ABCB1: variants seen among roughly 807,000 people sequenced by gnomAD.
ABCB1 encodes the protein ATP binding cassette subfamily B member 1.
Under a neutral mutation model 142.0 loss-of-function variants are expected in ABCB1, and 69 were observed. The ratio of observed to expected loss-of-function variants is 0.49; its 90% CI spans 0.40 to 0.59. The LOEUF is 0.59. ABCB1 is among the 20% of genes least tolerant of loss of function. The pLI, the probability that ABCB1 is intolerant of heterozygous loss-of-function variation, is 0.00. For synonymous variants in ABCB1, 532 were observed against 539.2 expected (o/e 0.99, Z 0.18); for missense variants, 1,326 against 1,554.7 (o/e 0.85, Z 2.47).
intron 5 of ABCB1, 27 bp from the exon 6 acceptor site, chr7:87,567,003 T>C: frequency 6.2e-7 from 1 of 1,604,146 alleles, no homozygotes; most frequent in Non-Finnish European, 8.5e-7. Flanking sequence ...ACACTGCACA[T>C]GCTCTCTGTT....
At chr7:87,570,902 G>A (rs1818021000) in intron 4 of ABCB1, among the ~76,000 whole-genome samples, 1 of 151,990 alleles carries the variant, frequency 6.6e-6, no homozygotes, top group African/African-American at 2.4e-5. Flanking sequence ...TGGAGTCATA[G>A]TTTACATTTA....
intron 5 of ABCB1, among the ~76,000 whole-genome samples, 187 bp from the exon 6 acceptor site, chr7:87,567,163 T>A (rs1332156723): frequency 2.6e-5 from 4 of 152,260 alleles, no homozygotes; most frequent in Admixed American, 2.6e-4. Context: ...TATGGTGGAA[T>A]GGTTAAGAAT....
chr7:87,510,475 C>T (rs528952572), intron 25 of ABCB1, among the ~76,000 whole-genome samples: 1 of 152,240 alleles, frequency 6.6e-6, no homozygotes, highest in Non-Finnish European at 1.5e-5. Flanking sequence ...ACAAGCCCTA[C>T]TCTGATGCAA....
At chr7:87,659,946 T>C (rs1037983669) in intron 1 of ABCB1, among the ~76,000 whole-genome samples, 5 of 152,172 alleles carry the variant, frequency 3.3e-5, no homozygotes, top group Non-Finnish European at 4.4e-5. Flanking sequence ...CTAAATATTC[T>C]TAGGATAAAT....
intron 1 of ABCB1, among the ~76,000 whole-genome samples, chr7:87,647,128 A>T (rs1236035379): frequency 6.6e-6 from 1 of 152,182 alleles, no homozygotes; most frequent in East Asian, 1.9e-4. Flanking sequence ...TGTAATTTGT[A>T]TCATTCTCGT....
chr7:87,524,003 C>T (rs955206357), intron 21 of ABCB1, among the ~76,000 whole-genome samples: 4 of 152,108 alleles, frequency 2.6e-5, no homozygotes, highest in Non-Finnish European at 5.9e-5. Context: ...AATAAAGACA[C>T]ATTTAATTTA....
At position 87,689,733 on chromosome 7, in the gene ABCB1, C is replaced by G. The variant is rs1005361436; in HGVS notation, c.-331+23428G>C. Among the ~76,000 whole-genome samples, 4 of 152,112 alleles carry G rather than the reference C, an allele frequency of 2.6e-5. No individual in the cohort carries two copies. The South Asian group carries it at 8.3e-4, about 32-fold the overall frequency. On this transcript the variant is annotated intron_variant, in intron 1 of 28. Transcript: ENST00000265724. ...CTACATCTTTCTGATGTTCTAATTT[C>G]AATGAGTTGTCCTTTTCAAAATCAT...
intron 4 of ABCB1, among the ~76,000 whole-genome samples, chr7:87,575,925 CA>C (rs1269024521): frequency 6.6e-6 from 1 of 152,100 alleles, no homozygotes; most frequent in African/African-American, 2.4e-5. Flanking sequence ...GAAAAGATAC[CA>C]GACTAAAAAG....
rs35797972 is a variant in ABCB1, at chr7:87,703,914, G to GTTTTTTTTTTTT, written c.-331+9235_-331+9246dup. Among the ~76,000 whole-genome samples, 126 of 42,986 alleles carry GTTTTTTTTTTTT rather than the reference G, an allele frequency of 2.9e-3. 1 individual carries two copies. The highest frequency in any genetic ancestry group is 0.022 in the Middle Eastern group (1 of 46). 28.2% of individuals were successfully genotyped at this position (42,986 alleles called of 152,430 possible). A position where few individuals can be genotyped will look rare whatever the true frequency, so the allele number is the denominator to read the frequency against. ...TTTTTTTTTTTTTTTTTTTTTTTTG[G>GTTTTTTTTTTTT]TTTTTTTTTTTTTTTTTTTTTTTTT... On this transcript the variant is annotated intron_variant, in intron 1 of 28. Transcript: ENST00000265724.
intron 1 of ABCB1, among the ~76,000 whole-genome samples, chr7:87,687,980 G>C (rs572952193): frequency 6.6e-6 from 1 of 152,070 alleles, no homozygotes; most frequent in Non-Finnish European, 1.5e-5. Context: ...GACTTAAATT[G>C]TTTCTGTAGT....
intron 8 of ABCB1, among the ~76,000 whole-genome samples, chr7:87,557,479 T>C (rs940868179): frequency 1.3e-5 from 2 of 152,240 alleles, no homozygotes; most frequent in Admixed American, 1.3e-4. Flanking sequence ...GCAAAATTAG[T>C]TTCAGTTCTC....
At chr7:87,529,874 G>T (rs1465229564) in intron 21 of ABCB1, among the ~76,000 whole-genome samples, 3 of 152,214 alleles carry the variant, frequency 2.0e-5, no homozygotes, top group Non-Finnish European at 2.9e-5. Flanking sequence ...ACTTGAGCCA[G>T]ACCACAATAG....
intron 4 of ABCB1, among the ~76,000 whole-genome samples, chr7:87,572,651 T>C (rs1396298088): frequency 2.0e-5 from 3 of 152,148 alleles, no homozygotes; most frequent in South Asian, 4.1e-4. Flanking sequence ...TAAACCTAAA[T>C]GCCAATCAAT....
In ABCB1 at chr7:87,616,877, T is replaced by C. The variant is rs148397663; in HGVS notation, c.-330-15799A>G. ...CTCTTCTCTTGTGATAAGAAACCAA[T>C]TGGTCTCTTCCCTTATGATAAGGGC... On this transcript the variant is annotated intron_variant, in intron 1 of 28. Transcript: ENST00000265724. 2.8e-3 allele frequency among the ~76,000 whole-genome samples: 432 copies of C among 152,236 alleles called. 1 individual carries two copies. The highest frequency in any genetic ancestry group is 4.9e-3 in the Non-Finnish European group (330 of 68,004).
At chr7:87,617,186 T>C (rs1201018369) in intron 1 of ABCB1, among the ~76,000 whole-genome samples, 1 of 152,196 alleles carries the variant, frequency 6.6e-6, no homozygotes, top group Admixed American at 6.5e-5. Context: ...GTTTGCTAAA[T>C]TTCACTTAAG....
intron 26 of ABCB1, among the ~76,000 whole-genome samples, chr7:87,508,927 C>T (rs1814874277): frequency 6.6e-6 from 1 of 152,164 alleles, no homozygotes; most frequent in South Asian, 2.1e-4. Flanking sequence ...AAGTGAAAGG[C>T]TTTCCAGATA....
intron 4 of ABCB1, among the ~76,000 whole-genome samples, chr7:87,579,194 C>A (rs1038243521): frequency 1.3e-5 from 2 of 152,170 alleles, no homozygotes; most frequent in Non-Finnish European, 2.9e-5. Context: ...TTCTTCCTTT[C>A]CAATTCAGAT....
intron 13 of ABCB1, 151 bp from the exon 14 acceptor site, chr7:87,549,669 G>GC: frequency 7.1e-7 from 1 of 1,409,092 alleles, no homozygotes; most frequent in Non-Finnish European, 9.9e-7. Flanking sequence ...ACCAACCTCA[G>GC]TTTTTAAAAA....
chr7:87,550,861 A>G (rs374247362), intron 9 of ABCB1, 23 bp from the exon 10 acceptor site: 2 of 1,469,344 alleles, frequency 1.4e-6, no homozygotes, highest in East Asian at 2.3e-5. Context: ...AAGAAAAACC[A>G]TCAGGCTACT....
Sources: allele counts gnomAD v4.1 joint callset (sites outside exome capture counted in the v4.1 genomes callset), GRCh38; gene constraint gnomAD v4.1.1; transcripts MANE v1.5; gene names NCBI Gene and HGNC (gene_info 2026-07-23, HGNC 2026-07-21).